Variants in ERP44 observed in about 807,000 individuals in gnomAD.
ERP44 encodes the protein endoplasmic reticulum resident protein 44.
In ERP44, 25 loss-of-function variants were observed where a neutral mutation model predicts 53.4. The ratio of observed to expected loss-of-function variants is 0.47; its 90% CI spans 0.34 to 0.65. The LOEUF (loss-of-function observed/expected upper bound fraction) is 0.65. ERP44 is among the 30% of genes least tolerant of loss of function. The pLI is 0.01. For missense variants in ERP44, 338 were observed against 493.2 expected, an observed-to-expected ratio of 0.69 and a Z score of 2.98; for synonymous variants, 145 against 161.2, an observed-to-expected ratio of 0.90 and a Z score of 0.76.
rs1830142560 is a variant in ERP44, at chr9:99,980,903, C to CA, written c.*1708dup. ...TAACTACTCTCAAGCCAGCTCTCTG[C>CA]AACCTAACCCTTGAATTGTATCTTT... On this transcript the variant is annotated 3_prime_UTR_variant, in exon 12 of 12. Coordinates refer to ENST00000262455, the MANE Select transcript of ERP44 (RefSeq NM_015051.3). 6.6e-6 allele frequency: 1 copy of CA among 152,218 alleles called. No individual in the cohort carries two copies. The highest frequency in any genetic ancestry group is 2.1e-4 in the South Asian group (1 of 4,834). The allele number at this position is 152,218 out of a possible 1,614,324, so 9.4% of individuals were successfully genotyped here.
chr9:100,075,633 A>T (rs1826347303), intron 1 of ERP44, among the ~76,000 whole-genome samples: 1 of 152,174 alleles, frequency 6.6e-6, no homozygotes, highest in African/African-American at 2.4e-5. Context: ...AAATTTAGGG[A>T]CGTTCTAACT....
Position 100,020,611 on chromosome 9 carries a change from C to T in ERP44, c.587+5G>A, listed in dbSNP as rs777565786. The T allele has an allele frequency of 2.0e-6, 3 of 1,510,462 alleles. No homozygotes were observed. Among genetic ancestry groups the T allele is most frequent in the Non-Finnish European group, 2.8e-6 (3 of 1,086,538 alleles). 93.6% of individuals were successfully genotyped at this position (1,510,462 alleles called of 1,614,324 possible). Reference sequence around the variant, plus strand: ...CACTAACACACTTTTAAATAAGATACTTACCCAAATGCAGAAAGAAAGGCA... The same window carrying T: ...CACTAACACACTTTTAAATAAGATATTTACCCAAATGCAGAAAGAAAGGCA... On this transcript the variant is annotated splice_donor_5th_base_variant and intron_variant, in intron 6 of 11. Transcript: ENST00000262455.
chr9:100,080,410 C>T (rs1826410183), intron 1 of ERP44, among the ~76,000 whole-genome samples: 2 of 152,166 alleles, frequency 1.3e-5, no homozygotes, highest in South Asian at 4.1e-4. Flanking sequence ...AAGAACATAT[C>T]TACCTACTCT....
chr9:100,012,060 A>G (rs916630741), intron 8 of ERP44, among the ~76,000 whole-genome samples: 14 of 152,142 alleles, frequency 9.2e-5, no homozygotes, highest in Non-Finnish European at 1.8e-4. Flanking sequence ...AAAACTGGGG[A>G]AAAGGAAGTA....
At chr9:100,051,346 A>C (rs573138613) in intron 4 of ERP44, among the ~76,000 whole-genome samples, 1 of 152,346 alleles carries the variant, frequency 6.6e-6, no homozygotes, top group South Asian at 2.1e-4. Context: ...GCCACTTCAT[A>C]TCCATTTCCT....
chr9:100,071,541 G>A (rs1003920029), intron 1 of ERP44, among the ~76,000 whole-genome samples: 2 of 151,864 alleles, frequency 1.3e-5, no homozygotes, highest in Non-Finnish European at 2.9e-5. Context: ...CGTATTCTTG[G>A]GTAAAAATGT....
intron 1 of ERP44, among the ~76,000 whole-genome samples, chr9:100,074,668 G>C (rs1486776486): frequency 6.6e-6 from 1 of 152,206 alleles, no homozygotes; most frequent in African/African-American, 2.4e-5. Flanking sequence ...TCCCCAAGGA[G>C]ACCTCTGGCC....
intron 4 of ERP44, among the ~76,000 whole-genome samples, chr9:100,049,340 G>C (rs1465916617): frequency 6.6e-6 from 1 of 152,186 alleles, no homozygotes; most frequent in Non-Finnish European, 1.5e-5. Context: ...CGAGACTGCA[G>C]TGAGCCAAGA....
chr9:100,091,201 G>A (rs917008621), intron 1 of ERP44, among the ~76,000 whole-genome samples: 38 of 152,178 alleles, frequency 2.5e-4, no homozygotes, highest in African/African-American at 9.2e-4. Flanking sequence ...TCTACATAAT[G>A]ATGAAATCTC....
At chr9:100,043,971 A>G (rs1466297587) in intron 4 of ERP44, among the ~76,000 whole-genome samples, 1 of 152,196 alleles carries the variant, frequency 6.6e-6, no homozygotes, top group Non-Finnish European at 1.5e-5. Flanking sequence ...AACATTATAT[A>G]CATGTATTCA....
rs769117766 is a variant in ERP44, at chr9:99,984,950, A to G, written c.1119+17T>C. 2 of 1,519,946 alleles carry G rather than the reference A, an allele frequency of 1.3e-6. No individual in the cohort carries two copies. The highest frequency in any genetic ancestry group is 1.8e-6 in the Non-Finnish European group (2 of 1,099,604). 94.2% of individuals were successfully genotyped at this position (1,519,946 alleles called of 1,614,324 possible). ...GGAAAAAAAGAGTTCTCATTGAAAA[A>G]TAAACAGGAGTCCTACCTCTCCTGG... On this transcript the variant is annotated intron_variant, in intron 11 of 11. Transcript: ENST00000262455.
chr9:99,986,893 C>G (rs12685650), intron 10 of ERP44, among the ~76,000 whole-genome samples: 69,529 of 152,052 alleles, frequency 0.46, 17,340 homozygotes, highest in East Asian at 0.9. Context: ...CTGTCACCCA[C>G]AGCAAGTGCT....
intron 10 of ERP44, among the ~76,000 whole-genome samples, chr9:100,003,212 T>C (rs1326454733): frequency 1.3e-5 from 2 of 152,356 alleles, no homozygotes; most frequent in Admixed American, 1.3e-4. Context: ...CATTGAATTG[T>C]TTCTCAGTAT....
At chr9:100,032,697 T>C (rs539043877) in intron 4 of ERP44, among the ~76,000 whole-genome samples, 3 of 152,364 alleles carry the variant, frequency 2.0e-5, no homozygotes, top group East Asian at 3.9e-4. Context: ...GTGGCTTTAA[T>C]AGTGGCTGTC....
chr9:100,043,976 T>A (rs1825940533), intron 4 of ERP44, among the ~76,000 whole-genome samples: 1 of 152,218 alleles, frequency 6.6e-6, no homozygotes, highest in Admixed American at 6.5e-5. Flanking sequence ...TATATACATG[T>A]ATTCAAATAT....
At chr9:100,017,655 C>A (rs925251339) in intron 7 of ERP44, among the ~76,000 whole-genome samples, 10 of 152,090 alleles carry the variant, frequency 6.6e-5, no homozygotes, top group African/African-American at 2.4e-4. Flanking sequence ...GAAAAAATAT[C>A]CATAAATTTC....
chr9:100,094,135 A>G (rs1432204080), intron 1 of ERP44, among the ~76,000 whole-genome samples: 1 of 152,238 alleles, frequency 6.6e-6, no homozygotes, highest in Admixed American at 6.5e-5. Flanking sequence ...GTGAACTGGT[A>G]TCTATCCAGT....
intron 4 of ERP44, among the ~76,000 whole-genome samples, chr9:100,036,626 CAT>C (rs1172674852): frequency 6.6e-6 from 1 of 152,094 alleles, no homozygotes; most frequent in African/African-American, 2.4e-5. Context: ...TAATCCTGCA[CAT>C]ATACCCCCAT....
At chr9:100,055,668 G>A (rs1826081201) in intron 3 of ERP44, among the ~76,000 whole-genome samples, 1 of 152,220 alleles carries the variant, frequency 6.6e-6, no homozygotes, top group Non-Finnish European at 1.5e-5. Flanking sequence ...ACTGTGCCCA[G>A]CCATGTGATT....
Sources: allele counts gnomAD v4.1 joint callset (sites outside exome capture counted in the v4.1 genomes callset), GRCh38; gene constraint gnomAD v4.1.1; transcripts MANE v1.5; gene names NCBI Gene and HGNC (gene_info 2026-07-23, HGNC 2026-07-21).